Variants in SYNE3 observed in about 807,000 individuals in gnomAD.
SYNE3 encodes the protein nesprin-3.
In SYNE3, 100 loss-of-function variants were observed where a neutral mutation model predicts 111.2. The ratio of observed to expected loss-of-function variants is 0.90; its 90% CI spans 0.77 to 1.06. The LOEUF (loss-of-function observed/expected upper bound fraction) is 1.06, where lower values mean the gene tolerates loss of function less well. Among genes scored for constraint, SYNE3 ranks in the 50% least tolerant of loss-of-function variants. SYNE3 has a pLI of 0.00. For missense variants in SYNE3, 1,160 were observed against 1,240.3 expected, an observed-to-expected ratio of 0.94 and a Z score of 0.97; for synonymous variants, 547 against 533.9, an observed-to-expected ratio of 1.02 and a Z score of -0.34.
chr14:95,471,431 G>A (rs916739830), intron 2 of SYNE3, among the ~76,000 whole-genome samples: 34 of 152,236 alleles, frequency 2.2e-4, no homozygotes, highest in African/African-American at 7.5e-4. Flanking sequence ...GAGACCCACT[G>A]CCTTTTCAAG....
intron 7 of SYNE3, 49 bp from the exon 8 acceptor site, chr14:95,450,154 C>T: frequency 1.3e-6 from 2 of 1,540,620 alleles, no homozygotes; most frequent in South Asian, 2.4e-5. Flanking sequence ...AGAGTGGGTT[C>T]AGTCCAGGGA....
At chr14:95,515,286 G>T (rs764990203) in intron 1 of SYNE3, among the ~76,000 whole-genome samples, 2 of 152,242 alleles carry the variant, frequency 1.3e-5, no homozygotes, top group Non-Finnish European at 2.9e-5. Context: ...CCTGAGGAAT[G>T]TGCAGACCCA....
chr14:95,504,556 A>G (rs1890457806), intron 1 of SYNE3, among the ~76,000 whole-genome samples: 1 of 152,356 alleles, frequency 6.6e-6, no homozygotes, highest in South Asian at 2.1e-4. Flanking sequence ...CACTAAGCTG[A>G]GTTCCCCCCA....
intron 4 of SYNE3, among the ~76,000 whole-genome samples, chr14:95,465,517 A>G (rs987072172): frequency 2.0e-5 from 3 of 152,032 alleles, no homozygotes; most frequent in African/African-American, 7.2e-5. Flanking sequence ...GGCTGGGTTG[A>G]TGGGTAGGTG....
Position 95,418,020 on chromosome 14 carries a change from G to C in SYNE3, c.2734C>G (p.Arg912Gly), listed in dbSNP as rs370277221. ...AAGAGGGAGCCCAGTCCTCGCCACC[G>C]CCGAGTCTGCGGAACCAACACAGCA... is the stretch of plus-strand genomic sequence containing the variant. The part of the protein sequence containing the change: ...GEPTGFQKTR[R>G]WRGLGSLFRR... Residue 912 changes from arginine (R) to glycine (G), a missense_variant, in exon 18 of 18, where the codon CGG becomes GGG. By Grantham distance (125) the Arg-to-Gly change is moderately radical. Transcript: ENST00000682763. The C allele has an allele frequency of 9.3e-6, 15 of 1,608,826 alleles. No homozygotes were observed. The highest frequency in any genetic ancestry group is 1.2e-5 in the Non-Finnish European group (14 of 1,179,728).
rs546062262 is a variant in SYNE3 at position 95,500,644 on chromosome 14, T to A, written c.-15+15952A>T. ...ACTGTTGTGTGCAGCACTTGGAAGC[T>A]GAGCAACCACCTTCATGATTCCCGC... On this transcript the variant is annotated intron_variant, in intron 1 of 17. Coordinates refer to ENST00000682763, the MANE Select transcript of SYNE3 (RefSeq NM_152592.6). The surrounding 1 kb of genome is among the most constrained non-coding windows in gnomAD (Gnocchi z 4.7). 1.4e-3 allele frequency among the ~76,000 whole-genome samples: 219 copies of A among 152,326 alleles called. No homozygotes were observed. The highest frequency in any genetic ancestry group is 4.9e-3 in the African/African-American group (204 of 41,574).
chr14:95,451,239 C>G (rs553840647), intron 7 of SYNE3: 36 of 152,364 alleles, frequency 2.4e-4, no homozygotes, highest in African/African-American at 8.7e-4. Context: ...CCAAGGAATA[C>G]AAGCCTTGAA....
rs1226782001 is a variant in SYNE3 at position 95,423,661 on chromosome 14, ATT to A, written c.2728-5637_2728-5636del. ...GGATGGGGTTTTGATGGGGATGGGG[ATT>A]TGATGGGGATGGGGATTTGATGGGG... On this transcript the variant is annotated intron_variant, in intron 17 of 17. Coordinates refer to ENST00000682763, the MANE Select transcript of SYNE3 (RefSeq NM_152592.6). Among the ~76,000 whole-genome samples the A allele has an allele frequency of 3.8e-3, 275 of 72,436 alleles. 78 individuals are homozygous for A. Among genetic ancestry groups the A allele is most frequent in the African/African-American group, 6.8e-3 (133 of 19,560 alleles). 47.5% of individuals were successfully genotyped at this position (72,436 alleles called of 152,430 possible).
intron 1 of SYNE3, among the ~76,000 whole-genome samples, chr14:95,496,914 C>G (rs1316068908): frequency 1.3e-5 from 2 of 152,252 alleles, no homozygotes; most frequent in African/African-American, 4.8e-5. Context: ...CTCTTACACC[C>G]AAATGGTATT....
intron 1 of SYNE3, among the ~76,000 whole-genome samples, chr14:95,506,864 A>T (rs1337140195): frequency 6.6e-6 from 1 of 152,160 alleles, no homozygotes; most frequent in Non-Finnish European, 1.5e-5. Context: ...CAGGCGACAA[A>T]ATCAGGGTCC....
intron 1 of SYNE3, among the ~76,000 whole-genome samples, chr14:95,498,752 T>A (rs1455788498): frequency 6.6e-6 from 1 of 152,134 alleles, no homozygotes; most frequent in East Asian, 1.9e-4. Context: ...CCCATAAGCA[T>A]GCAAAGAGCC....
intron 4 of SYNE3, among the ~76,000 whole-genome samples, chr14:95,465,245 A>G (rs1182212435): frequency 6.6e-6 from 1 of 152,170 alleles, no homozygotes; most frequent in African/African-American, 2.4e-5. Flanking sequence ...AGCTGTTTGG[A>G]TCAAAGTGAA....
At chr14:95,420,436 CTTT>C (rs1885052878) in intron 17 of SYNE3, among the ~76,000 whole-genome samples, 1 of 152,098 alleles carries the variant, frequency 6.6e-6, no homozygotes, top group African/African-American at 2.4e-5. Context: ...TACAAGTGTC[CTTT>C]TTTATTTGCC....
intron 14 of SYNE3, 120 bp from the exon 15 acceptor site, chr14:95,437,101 G>T: frequency 8.5e-7 from 1 of 1,180,780 alleles, no homozygotes; most frequent in Non-Finnish European, 1.2e-6. Context: ...AAATGGCGAC[G>T]GGAGAGGCCT....
intron 1 of SYNE3, among the ~76,000 whole-genome samples, chr14:95,504,822 A>AAAAAAAG (rs10592429): frequency 1.3e-5 from 2 of 150,294 alleles, no homozygotes; most frequent in South Asian, 2.1e-4. Context: ...CTCTATCTAA[A>AAAAAAAG]AAAAAAGAAA....
In SYNE3 at chr14:95,452,349, C is replaced by T. The variant is rs774751400; in HGVS notation, c.1172G>A (p.Arg391Gln). ...TRAALASEEP[R>Q]VDRLQAQLKE... ...CAGCTGGGCTTGCAGCCGGTCCACCCGGGGCTCCTCCGAGGCCAGCGCCGC... is the reference window on the plus strand; with the variant it reads ...CAGCTGGGCTTGCAGCCGGTCCACCTGGGGCTCCTCCGAGGCCAGCGCCGC... Residue 391 changes from arginine to glutamine, a missense_variant, in exon 7 of 18, where the codon CGG (arginine) becomes CAG (glutamine). Coordinates refer to ENST00000682763, the MANE Select transcript of SYNE3 (RefSeq NM_152592.6). 11 of 1,613,238 alleles carry T rather than the reference C, an allele frequency of 6.8e-6. No individual in the cohort carries two copies. Among genetic ancestry groups the T allele is most frequent in the South Asian group, 5.5e-5 (5 of 90,972 alleles).
intron 17 of SYNE3, among the ~76,000 whole-genome samples, chr14:95,423,401 C>A (rs1885244983): frequency 6.6e-6 from 1 of 152,152 alleles, no homozygotes; most frequent in South Asian, 2.1e-4. Context: ...AGGATGGAGA[C>A]CAAGGTCAGT....
rs147579441 is a variant in SYNE3, at chr14:95,421,822, G to A, written c.2728-3796C>T. On this transcript the variant is annotated intron_variant, in intron 17 of 17. Coordinates refer to ENST00000682763, the MANE Select transcript of SYNE3 (RefSeq NM_152592.6). ...TCCTTAAAGACCCTCACGTCCTATC[G>A]CCACAGGGCCTTTGCACAGGCTGTC... Among the ~76,000 whole-genome samples, 364 of 152,250 alleles carry A rather than the reference G, an allele frequency of 2.4e-3. 1 individual carries two copies. The highest frequency in any genetic ancestry group is 6.6e-3 in the African/African-American group (276 of 41,544).
intron 15 of SYNE3, among the ~76,000 whole-genome samples, chr14:95,436,608 A>G (rs1036613057): frequency 1.3e-5 from 2 of 152,264 alleles, no homozygotes; most frequent in Non-Finnish European, 2.9e-5. Context: ...TTTTCCAAGT[A>G]GGGAACTACA....
Sources: gnomAD v4.1 joint callset for allele counts (sites outside exome capture counted in the v4.1 genomes callset) on GRCh38, gnomAD v4.1.1 for gene constraint, Gnocchi (gnomAD v3.1) non-coding constraint, MANE v1.5 for transcripts, NCBI Gene and HGNC (gene_info 2026-07-23, HGNC 2026-07-21) for gene names.